Variants in LIN54 observed in about 807,000 individuals in gnomAD.
LIN54 encodes the protein protein lin-54 homolog.
In LIN54, 9 loss-of-function variants were observed where a neutral mutation model predicts 78.7. That is an observed-to-expected ratio of 0.11 (90% CI 0.07 to 0.20). The LOEUF is 0.20. LIN54 is among the 10% of genes least tolerant of loss of function. The pLI is 1.00. For missense variants in LIN54, 573 were observed against 889.9 expected, an observed-to-expected ratio of 0.64 and a Z score of 4.53; for synonymous variants, 269 against 318.4, an observed-to-expected ratio of 0.84 and a Z score of 1.65.
In LIN54 at chr4:83,007,927, T is replaced by C. The variant is rs111392755; in HGVS notation, c.-33+2557A>G. ...TTCTATCAAACACCAGGGCTTACAA[T>C]TGTATTATCTTTGACATCTCTCTTT... On this transcript the variant is annotated intron_variant, in intron 1 of 12. Coordinates refer to ENST00000340417, the MANE Select transcript of LIN54 (RefSeq NM_194282.4). 4.0e-4 allele frequency among the ~76,000 whole-genome samples: 61 copies of C among 152,198 alleles called. 1 individual carries two copies. The highest frequency in any genetic ancestry group is 1.4e-3 in the African/African-American group (60 of 41,534).
intron 11 of LIN54, among the ~76,000 whole-genome samples, chr4:82,932,782 G>A (rs1407823164): frequency 1.3e-5 from 2 of 151,992 alleles, no homozygotes; most frequent in African/African-American, 4.8e-5. Context: ...CCGCGATCAC[G>A]CGATTGCACT....
chr4:82,930,439 A>C (rs1357674542), intron 12 of LIN54, among the ~76,000 whole-genome samples: 1 of 152,196 alleles, frequency 6.6e-6, no homozygotes, highest in Non-Finnish European at 1.5e-5. Context: ...CAAACTACTA[A>C]GTAGCACAGA....
intron 1 of LIN54, among the ~76,000 whole-genome samples, chr4:82,991,794 G>T (rs1727739465): frequency 1.3e-5 from 2 of 151,792 alleles, no homozygotes; most frequent in South Asian, 4.2e-4. Context: ...ATTAATTTTT[G>T]ATTAAATTAA....
intron 1 of LIN54, among the ~76,000 whole-genome samples, chr4:83,002,168 G>T (rs1282583511): frequency 6.6e-6 from 1 of 151,408 alleles, no homozygotes; most frequent in African/African-American, 2.4e-5. Flanking sequence ...AATTTTTTAT[G>T]ACATGGACCC....
rs185663025 is a variant in LIN54 at position 82,956,108 on chromosome 4, C to T, written c.952-9634G>A. 7.1e-4 allele frequency among the ~76,000 whole-genome samples: 108 copies of T among 152,088 alleles called. 1 individual carries two copies. Among genetic ancestry groups the T allele is most frequent in the Non-Finnish European group, 2.4e-4 (16 of 68,000 alleles). ...CCCAAGTAGCACCTGCTACCACGCG[C>T]GGCTAAATTTTTTAGTATTTTTAGT... On this transcript the variant is annotated intron_variant, in intron 4 of 12. Coordinates refer to ENST00000340417, the MANE Select transcript of LIN54 (RefSeq NM_194282.4).
At chr4:82,945,520 A>G (rs1381467125) in intron 5 of LIN54, among the ~76,000 whole-genome samples, 8 of 151,462 alleles carry the variant, frequency 5.3e-5, no homozygotes, top group African/African-American at 1.9e-4. Context: ...TTGAGATGGA[A>G]TCTCGCTCTG....
chr4:82,990,775 G>A (rs762506158), intron 1 of LIN54, among the ~76,000 whole-genome samples: 2 of 152,110 alleles, frequency 1.3e-5, no homozygotes, highest in Non-Finnish European at 2.9e-5. Flanking sequence ...GAGCCACCGC[G>A]CCCAGCCAGG....
At chr4:82,952,591 A>G (rs148506671) in intron 4 of LIN54, among the ~76,000 whole-genome samples, 254 of 152,310 alleles carry the variant, frequency 1.7e-3, no homozygotes, top group African/African-American at 5.8e-3. Flanking sequence ...TGATCCAGCA[A>G]TTCTACTTTT....
At chr4:82,928,678 T>C (rs937367091) in intron 12 of LIN54, among the ~76,000 whole-genome samples, 4 of 152,222 alleles carry the variant, frequency 2.6e-5, no homozygotes, top group African/African-American at 9.6e-5. Flanking sequence ...GTTGCTCCAG[T>C]GCCTAGAATA....
At chr4:82,934,341 T>C (rs1722213600) in intron 11 of LIN54, among the ~76,000 whole-genome samples, 1 of 152,084 alleles carries the variant, frequency 6.6e-6, no homozygotes, top group Admixed American at 6.6e-5. Context: ...AGGAGACGGA[T>C]ATTACAGTGA....
intron 5 of LIN54, among the ~76,000 whole-genome samples, chr4:82,940,166 G>A (rs1578499873): frequency 6.6e-6 from 1 of 152,160 alleles, no homozygotes; most frequent in African/African-American, 2.4e-5. Context: ...TATCTAAGGT[G>A]GCTACAGTCT....
At position 82,936,058 on chromosome 4, in the gene LIN54, C is replaced by T; in HGVS notation, c.1768G>A (p.Glu590Lys). Reference protein sequence around the residue: ...KPKIGKGKEGESDRRHSKGCN... With the variant: ...KPKIGKGKEGKSDRRHSKGCN... ...CCTTTGCTATGACGTCGATCAGATTCTCCCTCCTTTCCTTTCCCTATCTTA... is the reference window on the plus strand; with the variant it reads ...CCTTTGCTATGACGTCGATCAGATTTTCCCTCCTTTCCTTTCCCTATCTTA... Residue 590 changes from glutamate to lysine, a missense_variant, in exon 11 of 13, where the codon GAA becomes AAA. Around this residue, in one of 6 missense-constraint regions of LIN54, gnomAD observed 101 missense variants for 194.2 expected, o/e 0.52. Transcript: ENST00000340417. 2 of 1,613,942 alleles carry T rather than the reference C, an allele frequency of 1.2e-6. No individual in the cohort carries two copies. Among genetic ancestry groups the T allele is most frequent in the Non-Finnish European group, 1.7e-6 (2 of 1,179,784 alleles).
chr4:82,930,896 C>T (rs1560713405), intron 12 of LIN54, 47 bp downstream of exon 12: 1 of 1,560,756 alleles, frequency 6.4e-7, no homozygotes, highest in South Asian at 1.1e-5. Context: ...GAAACTTTAC[C>T]AAAAGTATTT....
At chr4:83,008,577 A>T (rs1030704206) in intron 1 of LIN54, among the ~76,000 whole-genome samples, 1 of 152,182 alleles carries the variant, frequency 6.6e-6, no homozygotes, top group Non-Finnish European at 1.5e-5. Flanking sequence ...GCGTGAACCC[A>T]GGACGCGGAG....
rs1725193174 is a variant in LIN54, at chr4:82,966,263, ATC to A, written c.951+4062_951+4063del. Among the ~76,000 whole-genome samples, 5 of 152,188 alleles carry A rather than the reference ATC, an allele frequency of 3.3e-5. No individual in the cohort carries two copies. In the South Asian group the frequency reaches 8.3e-4, roughly 25 times the overall value. On this transcript the variant is annotated intron_variant, in intron 4 of 12. Coordinates refer to ENST00000340417, the MANE Select transcript of LIN54 (RefSeq NM_194282.4). ...TGACAAAAATGTCCAAAAACTAAAC[ATC>A]TCTCTGCCCAAGCCTATAGTACTGC...
At position 82,985,793 on chromosome 4, in the gene LIN54, G is replaced by A. The variant is rs148347503; in HGVS notation, c.-32-917C>T. On this transcript the variant is annotated intron_variant, in intron 1 of 12. Transcript: ENST00000340417. ...TAACCTCGGGTGATCCACCTGCCTC[G>A]GCCTCCCAAAGTACTGGGATTACAG... Among the ~76,000 whole-genome samples the A allele has an allele frequency of 3.3e-3, 507 of 152,214 alleles. 6 individuals carry two copies. Among genetic ancestry groups the A allele is most frequent in the African/African-American group, 0.011 (471 of 41,516 alleles).
chr4:82,985,214 G>T (rs1384246510), intron 1 of LIN54, among the ~76,000 whole-genome samples: 1 of 152,128 alleles, frequency 6.6e-6, no homozygotes, highest in African/African-American at 2.4e-5. Context: ...TGATGTATCT[G>T]ATCTTATTTC....
At chr4:82,949,037 G>C (rs1723633368) in intron 4 of LIN54, among the ~76,000 whole-genome samples, 2 of 152,180 alleles carry the variant, frequency 1.3e-5, no homozygotes, top group East Asian at 3.9e-4. Flanking sequence ...TCCCAGAAGA[G>C]GGATTGCTGG....
At chr4:82,945,899 G>A (rs764149162) in intron 5 of LIN54, among the ~76,000 whole-genome samples, 1 of 152,156 alleles carries the variant, frequency 6.6e-6, no homozygotes, top group South Asian at 2.1e-4. Flanking sequence ...CATTTCAACT[G>A]ACCCAAACCC....
Sources: gnomAD v4.1 joint callset for allele counts (sites outside exome capture counted in the v4.1 genomes callset) on GRCh38, gnomAD v4.1.1 for gene constraint, gnomAD v4.1.1 regional missense constraint, MANE v1.5 for transcripts, NCBI Gene and HGNC (gene_info 2026-07-23, HGNC 2026-07-21) for gene names.